PPIA: variants seen among roughly 807,000 people sequenced by gnomAD.
PPIA encodes peptidylprolyl isomerase A.
PPIA carries 2 observed loss-of-function variants against 15.3 expected under a neutral mutation model. The observed-to-expected ratio is 0.13, with a 90% confidence interval of 0.05 to 0.41. The LOEUF (loss-of-function observed/expected upper bound fraction) is 0.41. Among genes scored for constraint, PPIA ranks in the 10% least tolerant of loss-of-function variants. The pLI is 0.99. For synonymous variants in PPIA, 67 were observed against 73.1 expected (o/e 0.92, Z 0.43); for missense variants, 103 against 210.3 (o/e 0.49, Z 3.16).
At chr7:44,800,051 A>G (rs914412907) in intron 4 of PPIA, 177 bp downstream of exon 4, 10 of 680,080 alleles carry the variant, frequency 1.5e-5, no homozygotes, top group Admixed American at 8.9e-5. Context: ...AGAATGTCAG[A>G]TACTATGATA....
chr7:44,796,932 G>A (rs1460922973), intron 1 of PPIA, 139 bp downstream of exon 1: 10 of 953,188 alleles, frequency 1.0e-5, no homozygotes, highest in Non-Finnish European at 1.5e-5. Flanking sequence ...GCCATTTCCT[G>A]ACGAGGGGCC....
rs1383824759 is a variant in PPIA, at chr7:44,799,991, G to A, written c.362+117G>A. The A allele has an allele frequency of 8.7e-6, 9 of 1,032,268 alleles. No homozygotes were observed. The Admixed American group carries it at 1.1e-4, about 13-fold the overall frequency. 63.9% of individuals were successfully genotyped at this position (1,032,268 alleles called of 1,614,324 possible). A position where few individuals can be genotyped will look rare whatever the true frequency, so the allele number is the denominator to read the frequency against. Reference sequence around the variant, plus strand: ...CTTCCACAGACTTTTTCATCCCTAAGATACTAGAAGAAGAGCATACATAAA... The same window carrying A: ...CTTCCACAGACTTTTTCATCCCTAAAATACTAGAAGAAGAGCATACATAAA... On this transcript the variant is annotated intron_variant, in intron 4 of 4. Coordinates refer to ENST00000468812, the MANE Select transcript of PPIA (RefSeq NM_021130.5).
chr7:44,797,054 T>A (rs1035848729), intron 1 of PPIA, among the ~76,000 whole-genome samples: 35 of 152,200 alleles, frequency 2.3e-4, no homozygotes, highest in Non-Finnish European at 4.6e-4. Context: ...CCCGCCCGCC[T>A]CATGTGGCCG....
At chr7:44,798,302 C>G (rs1438194867) in intron 1 of PPIA, 1 of 152,178 alleles carries the variant, frequency 6.6e-6, no homozygotes, top group African/African-American at 2.4e-5. Flanking sequence ...ATCACGAAGT[C>G]AGGAGATTGA....
intron 4 of PPIA, among the ~76,000 whole-genome samples, chr7:44,801,053 G>A (rs1003867398): frequency 1.3e-5 from 2 of 151,718 alleles, no homozygotes; most frequent in Non-Finnish European, 1.5e-5. Flanking sequence ...TCCTGACCTC[G>A]TGATCCGCCC....
chr7:44,802,321 G>A lies in PPIA; in HGVS notation c.*899G>A, dbSNP rs17860093. ...GTGCCACCATGCCCAGCTAATTTTT[G>A]TATTTTTAGTATAGATGGGGTTTCA... On this transcript the variant is annotated 3_prime_UTR_variant, in exon 5 of 5. Transcript: ENST00000468812. 2 of 151,790 alleles carry A rather than the reference G, an allele frequency of 1.3e-5. No individual in the cohort carries two copies. The highest frequency in any genetic ancestry group is 4.8e-5 in the African/African-American group (2 of 41,326). 9.4% of individuals were successfully genotyped at this position (151,790 alleles called of 1,614,324 possible).
In PPIA at chr7:44,799,273, A is replaced by G; in HGVS notation, c.96A>G (p.Thr32=). The G allele has an allele frequency of 1.2e-6, 2 of 1,613,896 alleles. No homozygotes were observed. The highest frequency in any genetic ancestry group is 8.5e-7 in the Non-Finnish European group (1 of 1,179,870). The part of the protein sequence containing the change: ...FELFADKVPK[T]AENFRALSTG... The stretch of plus-strand genomic sequence containing the variant: ...TGTTTGCAGACAAGGTCCCAAAGAC[A>G]GCAGGTTGGTCCATTTTCTAAGTTT... Residue 32 remains threonine, a synonymous_variant, in exon 2 of 5, where the codon ACA becomes ACG. Coordinates refer to ENST00000468812, the MANE Select transcript of PPIA (RefSeq NM_021130.5).
chr7:44,797,579 A>G (rs1266107545), intron 1 of PPIA, among the ~76,000 whole-genome samples: 2 of 152,180 alleles, frequency 1.3e-5, no homozygotes, highest in African/African-American at 4.8e-5. Context: ...CTGCCTAGCA[A>G]GCAAGTTGCG....
chr7:44,798,538 A>T (rs725645), intron 1 of PPIA: 2,315 of 172,206 alleles, frequency 0.013, 48 homozygotes, highest in African/African-American at 0.053. Context: ...TTGCTATAAG[A>T]GAAGTGCACA....
intron 1 of PPIA, chr7:44,798,622 A>G (rs1583689926): frequency 1.8e-6 from 1 of 566,132 alleles, no homozygotes. Context: ...AGCTGTTTTT[A>G]TGAAAGGGCT....
In PPIA at chr7:44,796,715, A is replaced by G. The variant is rs6850; in HGVS notation, c.-10A>G. 0.18 allele frequency: 287,555 copies of G among 1,608,180 alleles called. 40,964 individuals are homozygous for G. The highest frequency in any genetic ancestry group is 0.77 in the East Asian group (34,169 of 44,434). On this transcript the variant is annotated 5_prime_UTR_variant, in exon 1 of 5. Transcript: ENST00000468812. Reference sequence around the variant, plus strand: ...ACGCCACCGCCGAGGAAAACCGTGTACTATTAGCCATGGTCAACCCCACCG... The same window carrying G: ...ACGCCACCGCCGAGGAAAACCGTGTGCTATTAGCCATGGTCAACCCCACCG...
At position 44,801,753 on chromosome 7, in the gene PPIA, C is replaced by T. The variant is rs1213494971; in HGVS notation, c.*331C>T. Reference sequence around the variant, plus strand: ...TTAGATTTTTTTTACTTTCCAGTCCCAGGAAGTGTCAATGTTTGTTGAGTG... The same window carrying T: ...TTAGATTTTTTTTACTTTCCAGTCCTAGGAAGTGTCAATGTTTGTTGAGTG... On this transcript the variant is annotated 3_prime_UTR_variant, in exon 5 of 5. Transcript: ENST00000468812. 2.2e-5 allele frequency: 5 copies of T among 226,086 alleles called. No individual in the cohort carries two copies. Among genetic ancestry groups the T allele is most frequent in the African/African-American group, 1.2e-4 (5 of 42,374 alleles). The allele number at this position is 226,086 out of a possible 1,614,324, so 14.0% of individuals were successfully genotyped here. A position where few individuals can be genotyped will look rare whatever the true frequency, so the allele number is the denominator to read the frequency against.
rs1020865653 is a variant in PPIA, at chr7:44,802,943, T to G, written c.*1521T>G. On this transcript the variant is annotated 3_prime_UTR_variant, in exon 5 of 5. Coordinates refer to ENST00000468812, the MANE Select transcript of PPIA (RefSeq NM_021130.5). ...TGATCATTTGGTGTGTTGGGCAATTTTTGTTTTACTGTCTGGTTCCTTCTG... is the reference window on the plus strand; with the variant it reads ...TGATCATTTGGTGTGTTGGGCAATTGTTGTTTTACTGTCTGGTTCCTTCTG... 4 of 152,188 alleles carry G rather than the reference T, an allele frequency of 2.6e-5. No homozygotes were observed. Among genetic ancestry groups the G allele is most frequent in the African/African-American group, 9.7e-5 (4 of 41,438 alleles). The allele number at this position is 152,188 out of a possible 1,614,324, so 9.4% of individuals were successfully genotyped here. A position where few individuals can be genotyped will look rare whatever the true frequency, so the allele number is the denominator to read the frequency against.
At chr7:44,798,724 C>A (rs903135764) in intron 1 of PPIA, 21 of 985,010 alleles carry the variant, frequency 2.1e-5, no homozygotes, top group Non-Finnish European at 2.4e-5. Context: ...AGAAACCAAT[C>A]TTTATTTTTT....
chr7:44,802,708 A>G lies in PPIA; in HGVS notation c.*1286A>G, dbSNP rs111718472. ...GTTATGGAGGCTTTGAGGTTTTGCA[A>G]ACCTGACCAATTTAAGCCATAAGAT... On this transcript the variant is annotated 3_prime_UTR_variant, in exon 5 of 5. Coordinates refer to ENST00000468812, the MANE Select transcript of PPIA (RefSeq NM_021130.5). The G allele has an allele frequency of 3.9e-5, 6 of 152,146 alleles. No individual in the cohort carries two copies. Among genetic ancestry groups the G allele is most frequent in the Admixed American group, 6.6e-5 (1 of 15,260 alleles). The allele number at this position is 152,146 out of a possible 1,614,324, so 9.4% of individuals were successfully genotyped here. A position where few individuals can be genotyped will look rare whatever the true frequency, so the allele number is the denominator to read the frequency against.
At chr7:44,800,599 A>T (rs1241542409) in intron 4 of PPIA, 1 of 151,540 alleles carries the variant, frequency 6.6e-6, no homozygotes, top group African/African-American at 2.5e-5. Flanking sequence ...GGGATTTACC[A>T]TGTTGTCCAG....
In PPIA at chr7:44,802,534, T is replaced by C. The variant is rs1330900718; in HGVS notation, c.*1112T>C. 6.6e-6 allele frequency: 1 copy of C among 152,192 alleles called. No homozygotes were observed. The allele number at this position is 152,192 out of a possible 1,614,324, so 9.4% of individuals were successfully genotyped here. A position where few individuals can be genotyped will look rare whatever the true frequency, so the allele number is the denominator to read the frequency against. ...GGCTTTAGGCTGTAGGTCAAGTTTA[T>C]ACATCTTAATTATGGTGGAATTCCT... On this transcript the variant is annotated 3_prime_UTR_variant, in exon 5 of 5. Coordinates refer to ENST00000468812, the MANE Select transcript of PPIA (RefSeq NM_021130.5).
chr7:44,796,718 A>C lies in PPIA; in HGVS notation c.-7A>C, dbSNP rs532505886. ...CCACCGCCGAGGAAAACCGTGTACT[A>C]TTAGCCATGGTCAACCCCACCGTGT... On this transcript the variant is annotated 5_prime_UTR_variant, in exon 1 of 5. Coordinates refer to ENST00000468812, the MANE Select transcript of PPIA (RefSeq NM_021130.5). 10 of 1,610,252 alleles carry C rather than the reference A, an allele frequency of 6.2e-6. No individual in the cohort carries two copies. Among genetic ancestry groups the C allele is most frequent in the Middle Eastern group, 1.9e-4 (1 of 5,238 alleles).
Position 44,801,507 on chromosome 7 carries a change from T to C in PPIA, c.*85T>C, listed in dbSNP as rs9961. 2.1e-5 allele frequency: 21 copies of C among 1,011,458 alleles called. No homozygotes were observed. Among genetic ancestry groups the C allele is most frequent in the Non-Finnish European group, 2.8e-5 (19 of 688,464 alleles). The allele number at this position is 1,011,458 out of a possible 1,614,324, so 62.7% of individuals were successfully genotyped here. On this transcript the variant is annotated 3_prime_UTR_variant, in exon 5 of 5. Coordinates refer to ENST00000468812, the MANE Select transcript of PPIA (RefSeq NM_021130.5). ...CCCTCCACCCCATTTGCTCGCAGTATCCTAGAATCTTTGTGCTCTCGCTGC... is the reference window on the plus strand; with the variant it reads ...CCCTCCACCCCATTTGCTCGCAGTACCCTAGAATCTTTGTGCTCTCGCTGC...
Sources: allele counts gnomAD v4.1 joint callset (sites outside exome capture counted in the v4.1 genomes callset), GRCh38; gene constraint gnomAD v4.1.1; transcripts MANE v1.5; gene names NCBI Gene and HGNC (gene_info 2026-07-23, HGNC 2026-07-21).